Variants in NSMAF observed in about 807,000 individuals in gnomAD.
NSMAF encodes neutral sphingomyelinase activation associated factor, also known as protein FAN.
Under a neutral mutation model 134.9 loss-of-function variants are expected in NSMAF, and 90 were observed. The observed-to-expected ratio is 0.67, with a 90% CI of 0.56 to 0.79. NSMAF has a LOEUF of 0.79. Among genes scored for constraint, NSMAF ranks in the 30% least tolerant of loss-of-function variants. The pLI, the probability that NSMAF is intolerant of heterozygous loss-of-function variation, is 0.00. For missense variants in NSMAF, 1,010 were observed against 1,119.0 expected (o/e 0.90, Z 1.39); for synonymous variants, 358 against 389.6 (o/e 0.92, Z 0.96).
At chr8:58,645,915 C>G (rs571278045) in intron 1 of NSMAF, among the ~76,000 whole-genome samples, 68 of 152,178 alleles carry the variant, frequency 4.5e-4, no homozygotes, top group African/African-American at 1.6e-3. Context: ...GTGGCGGGCG[C>G]CTATAATCCC....
At chr8:58,612,453 G>A (rs992719829) in intron 9 of NSMAF, among the ~76,000 whole-genome samples, 10 of 152,134 alleles carry the variant, frequency 6.6e-5, no homozygotes, top group Admixed American at 6.5e-4. Context: ...TCATCTGGCT[G>A]TTCATCTGTA....
chr8:58,652,712 A>G (rs1004090598), intron 1 of NSMAF, among the ~76,000 whole-genome samples: 2 of 152,222 alleles, frequency 1.3e-5, no homozygotes, highest in African/African-American at 2.4e-5. Context: ...AGAGCACTCC[A>G]GCAAGTCTGA....
rs1806831491 is a variant in NSMAF at position 58,623,269 on chromosome 8, TTATC to T, written c.505-1_507del. 1 of 1,608,984 alleles carries T rather than the reference TTATC, an allele frequency of 6.2e-7. No homozygotes were observed. ...GCTAAACGAGACTGCAAAATAGCTG[TTATC>T]TATTAAAACAGAACCAGAAAAAAAG... On this transcript the variant is annotated splice_acceptor_variant and coding_sequence_variant, in exon 9 of 31. Coordinates refer to ENST00000038176, the MANE Select transcript of NSMAF (RefSeq NM_003580.4). LOFTEE classifies it high-confidence loss of function.
intron 12 of NSMAF, among the ~76,000 whole-genome samples, chr8:58,605,250 A>T (rs1342421664): frequency 1.3e-5 from 2 of 152,220 alleles, no homozygotes; most frequent in Non-Finnish European, 2.9e-5. Flanking sequence ...ATTCCACTCC[A>T]AAGTCAGTAT....
Position 58,599,231 on chromosome 8 carries a change from C to T in NSMAF, c.1585+1G>A. 1 of 1,611,876 alleles carries T rather than the reference C, an allele frequency of 6.2e-7. No homozygotes were observed. Among genetic ancestry groups the T allele is most frequent in the Non-Finnish European group, 8.5e-7 (1 of 1,178,798 alleles). On this transcript the variant is annotated splice_donor_variant, in intron 19 of 30. Transcript: ENST00000038176. LOFTEE classifies it high-confidence loss of function. ...ATAAAATTTCAATGAATATTACATA[C>T]CATTATGGGCCCCAACTGCATCACT... is the stretch of plus-strand genomic sequence containing the variant.
At chr8:58,603,117 C>A in intron 13 of NSMAF, 93 bp downstream of exon 13, 1 of 1,262,114 alleles carries the variant, frequency 7.9e-7, no homozygotes. Context: ...TGTCACATCA[C>A]AATTATAAAA....
intron 1 of NSMAF, among the ~76,000 whole-genome samples, chr8:58,648,320 A>G (rs1015768006): frequency 6.6e-6 from 1 of 152,248 alleles, no homozygotes; most frequent in African/African-American, 2.4e-5. Flanking sequence ...TAAATGACTT[A>G]AAGTTGGAAC....
rs538089506 is a variant in NSMAF, at chr8:58,599,315, T to A, written c.1502A>T (p.Tyr501Phe). 6.2e-7 allele frequency: 1 copy of A among 1,614,062 alleles called. No homozygotes were observed. The highest frequency in any genetic ancestry group is 1.1e-5 in the South Asian group (1 of 91,072). ...CCACTCGTGAAGGTGTTCAGACACA[T>A]AATTGCTTTCCAATGCATCTTTGCT... is the stretch of plus-strand genomic sequence containing the variant. ...QKSKDALESNYVSEHLHEWID... is the reference protein window; with the variant it reads ...QKSKDALESNFVSEHLHEWID... The change falls in exon 19 of 31, where the codon TAT (tyrosine) becomes TTT (phenylalanine). Residue 501 changes from tyrosine (Y) to phenylalanine (F), a missense_variant. By Grantham distance (22) the Tyr-to-Phe change is conservative (BLOSUM62 3). Transcript: ENST00000038176.
At chr8:58,586,999 C>G (rs185500908) in intron 27 of NSMAF, among the ~76,000 whole-genome samples, 1 of 152,296 alleles carries the variant, frequency 6.6e-6, no homozygotes, top group African/African-American at 2.4e-5. Flanking sequence ...TCTCTCGAGG[C>G]TATACTTGCA....
intron 12 of NSMAF, among the ~76,000 whole-genome samples, chr8:58,605,155 CATAAT>C (rs1434232398): frequency 1.3e-5 from 2 of 152,174 alleles, no homozygotes; most frequent in East Asian, 1.9e-4. Flanking sequence ...GCTTGAACAT[CATAAT>C]ATAAGTATTT....
At chr8:58,615,906 G>A (rs1367256634) in intron 9 of NSMAF, among the ~76,000 whole-genome samples, 1 of 152,080 alleles carries the variant, frequency 6.6e-6, no homozygotes, top group Non-Finnish European at 1.5e-5. Flanking sequence ...AAATTGGTAA[G>A]CCCTGGCAAT....
chr8:58,623,864 C>A (rs1186568958), intron 6 of NSMAF, 84 bp from the exon 7 acceptor site: 9 of 1,065,712 alleles, frequency 8.4e-6, no homozygotes, highest in Non-Finnish European at 1.3e-5. Flanking sequence ...TGTACAGAAC[C>A]TGCTATGATA....
intron 9 of NSMAF, among the ~76,000 whole-genome samples, chr8:58,622,804 A>T (rs2129144288): frequency 6.6e-6 from 1 of 152,268 alleles, no homozygotes; most frequent in South Asian, 2.1e-4. Flanking sequence ...AAGTGCTGGG[A>T]TTATAGGCCT....
intron 7 of NSMAF, 106 bp downstream of exon 7, chr8:58,623,603 T>G (rs1299793722): frequency 8.9e-7 from 1 of 1,118,768 alleles, no homozygotes; most frequent in Non-Finnish European, 1.3e-6. Context: ...ATCTGCTACA[T>G]ATTTAGAAAA....
At chr8:58,612,039 T>C (rs1442064296) in intron 9 of NSMAF, among the ~76,000 whole-genome samples, 1 of 152,214 alleles carries the variant, frequency 6.6e-6, no homozygotes, top group Non-Finnish European at 1.5e-5. Flanking sequence ...TAGGTCCATC[T>C]TTTGTTCTAA....
intron 1 of NSMAF, among the ~76,000 whole-genome samples, chr8:58,647,782 G>A (rs186909358): frequency 2.6e-5 from 4 of 152,308 alleles, no homozygotes; most frequent in South Asian, 2.1e-4. Flanking sequence ...GCAGAACCAT[G>A]AGCCAACTAA....
At position 58,659,736 on chromosome 8, in the gene NSMAF, G is replaced by T; in HGVS notation, c.-105C>A. ...AGGGCGGGATTGGTGGCCGGCTGGG[G>T]AGCGCGCGGCTGCCGGCCTGGCTTC... On this transcript the variant is annotated 5_prime_UTR_variant, in exon 1 of 31. Coordinates refer to ENST00000038176, the MANE Select transcript of NSMAF (RefSeq NM_003580.4). The T allele has an allele frequency of 2.1e-6, 2 of 932,058 alleles. No individual in the cohort carries two copies. The highest frequency in any genetic ancestry group is 2.8e-6 in the Non-Finnish European group (2 of 714,360). The allele number at this position is 932,058 out of a possible 1,614,324, so 57.7% of individuals were successfully genotyped here. A position where few individuals can be genotyped will look rare whatever the true frequency, so the allele number is the denominator to read the frequency against.
At chr8:58,605,648 C>T (rs1481348285) in intron 12 of NSMAF, among the ~76,000 whole-genome samples, 2 of 152,016 alleles carry the variant, frequency 1.3e-5, no homozygotes, top group Admixed American at 6.5e-5. Flanking sequence ...TTTTTCTTCT[C>T]TTATTTCCTA....
intron 2 of NSMAF, among the ~76,000 whole-genome samples, chr8:58,638,556 T>G (rs1177413259): frequency 6.6e-6 from 1 of 152,208 alleles, no homozygotes; most frequent in African/African-American, 2.4e-5. Context: ...TAAATGGTGT[T>G]GGGAAAACTA....
Sources: allele counts gnomAD v4.1 joint callset (sites outside exome capture counted in the v4.1 genomes callset), GRCh38; gene constraint gnomAD v4.1.1; transcripts MANE v1.5; gene names NCBI Gene and HGNC (gene_info 2026-07-23, HGNC 2026-07-21).